PATL2: variants seen among roughly 807,000 people sequenced by gnomAD.
PATL2 encodes the protein protein PAT1 homolog 2.
Under a neutral mutation model 77.0 loss-of-function variants are expected in PATL2, and 73 were observed. That is an observed-to-expected ratio of 0.95 (90% CI 0.78 to 1.15). PATL2 has a LOEUF of 1.15. Ranked by LOEUF, PATL2 falls within the 50% of genes most tolerant of loss-of-function variation. The pLI, the probability that PATL2 is intolerant of heterozygous loss-of-function variation, is 0.00. For missense variants in PATL2, 618 were observed against 655.4 expected (o/e 0.94, Z 0.62); for synonymous variants, 265 against 257.1 (o/e 1.03, Z -0.29).
chr15:44,669,157 G>C lies in PATL2; in HGVS notation c.1065-18C>G, dbSNP rs755261030. 8 of 1,525,380 alleles carry C rather than the reference G, an allele frequency of 5.2e-6. No individual in the cohort carries two copies. The highest frequency in any genetic ancestry group is 7.1e-6 in the Non-Finnish European group (8 of 1,130,272). 94.5% of individuals were successfully genotyped at this position (1,525,380 alleles called of 1,614,324 possible). A position where few individuals can be genotyped will look rare whatever the true frequency, so the allele number is the denominator to read the frequency against. ...CTGCCTCTCTGCAAGGGAGAGAGGA[G>C]AACATTTTCAGAGCTCTGCATAGAG... On this transcript the variant is annotated intron_variant, in intron 13 of 17. Transcript: ENST00000682850.
chr15:44,671,597 A>T (rs1394815845), intron 9 of PATL2, among the ~76,000 whole-genome samples: 1 of 152,190 alleles, frequency 6.6e-6, no homozygotes, highest in Non-Finnish European at 1.5e-5. Flanking sequence ...AAATGAGTAA[A>T]AATATCTGCT....
intron 3 of PATL2, among the ~76,000 whole-genome samples, chr15:44,695,325 C>CA (rs1483428539): frequency 3.9e-5 from 6 of 152,160 alleles, no homozygotes; most frequent in Non-Finnish European, 5.9e-5. Context: ...GAGCAGCCTG[C>CA]AAAATTGAGC....
Position 44,692,927 on chromosome 15 carries a change from C to G in PATL2, c.-75-16362G>C, listed in dbSNP as rs541569392. ...GCCCACATCACTGGGGCTAACTCAG[C>G]TCAGTTTGTGGCAGTGATAGGAGGG... On this transcript the variant is annotated intron_variant, in intron 3 of 17. Transcript: ENST00000682850. 2.6e-5 allele frequency among the ~76,000 whole-genome samples: 4 copies of G among 152,346 alleles called. No homozygotes were observed. The South Asian group carries it at 8.3e-4, about 32-fold the overall frequency.
intron 3 of PATL2, among the ~76,000 whole-genome samples, chr15:44,680,979 A>G (rs962265382): frequency 6.6e-6 from 1 of 152,204 alleles, no homozygotes; most frequent in African/African-American, 2.4e-5. Flanking sequence ...AGCTAACATT[A>G]CTAGTTACTC....
intron 3 of PATL2, among the ~76,000 whole-genome samples, chr15:44,696,723 TA>T (rs199588921): frequency 1.3e-5 from 2 of 150,424 alleles, no homozygotes; most frequent in African/African-American, 2.4e-5. Flanking sequence ...AACTGCCAAT[TA>T]AAAAAAAAAT....
chr15:44,681,911 T>G (rs948974989), intron 3 of PATL2, among the ~76,000 whole-genome samples: 1 of 152,210 alleles, frequency 6.6e-6, no homozygotes, highest in Non-Finnish European at 1.5e-5. Context: ...CCTTCTAGAT[T>G]GAGTTTCAGA....
upstream of PATL2, chr15:44,711,390 C>A: frequency 1.2e-6 from 1 of 804,824 alleles, no homozygotes; most frequent in Non-Finnish European, 2.1e-6. Flanking sequence ...AAACTGAAAA[C>A]GGGAAAGTCC....
rs2085715932 is a variant in PATL2, at chr15:44,672,115, T to C, written c.557A>G (p.Tyr186Cys). The C allele has an allele frequency of 3.9e-6, 6 of 1,551,536 alleles. No homozygotes were observed. Among genetic ancestry groups the C allele is most frequent in the South Asian group, 1.2e-5 (1 of 84,064 alleles). Residue 186 changes from tyrosine (Y) to cysteine (C), a missense_variant, in exon 9 of 18, where the codon TAT becomes TGT. Coordinates refer to ENST00000682850, the MANE Select transcript of PATL2 (RefSeq NM_001387263.1). The part of the protein sequence containing the change: ...KKPWSQQPDP[Y>C]ANLMTRKEKD... ...CTCTTTTCTGGTCATGAGGTTAGCA[T>C]AGGGGTCTGGCTGCTGAGACCAAGG...
chr15:44,676,328 C>CA (rs2141213370), intron 4 of PATL2, 147 bp downstream of exon 4: 1 of 752,720 alleles, frequency 1.3e-6, no homozygotes, highest in African/African-American at 1.7e-5. Context: ...AGTGACCTTT[C>CA]AGTCACCCAT....
At chr15:44,678,710 C>G (rs912113087) in intron 3 of PATL2, among the ~76,000 whole-genome samples, 2 of 152,060 alleles carry the variant, frequency 1.3e-5, no homozygotes, top group Non-Finnish European at 2.9e-5. Context: ...CTTTGGGAAG[C>G]TGAGGCAGGA....
chr15:44,670,231 C>T (rs748449359), intron 9 of PATL2, 144 bp from the exon 10 acceptor site: 22 of 1,169,440 alleles, frequency 1.9e-5, no homozygotes, highest in East Asian at 2.6e-5. Context: ...ACAGCATCTC[C>T]CTCTGTCACC....
At position 44,668,443 on chromosome 15, in the gene PATL2, T is replaced by G. The variant is rs1283198613; in HGVS notation, c.1264A>C (p.Ser422Arg). The part of the protein sequence containing the change: ...MLFKPLGKCI[S>R]HLTLHELLQG... ...AGGAGTTCGTGGAGGGTCAAGTGAC[T>G]AATACATTTGCCCAGAGGTTTGAAT... is the stretch of plus-strand genomic sequence containing the variant. The change falls in exon 15 of 18, where the codon AGT becomes CGT. Residue 422 changes from serine (S) to arginine (R), a missense_variant. By Grantham distance (110) the Ser-to-Arg change is moderately radical. Transcript: ENST00000682850. 2 of 1,551,406 alleles carry G rather than the reference T, an allele frequency of 1.3e-6. No individual in the cohort carries two copies. The highest frequency in any genetic ancestry group is 1.7e-6 in the Non-Finnish European group (2 of 1,146,950).
At chr15:44,666,621 C>A in intron 16 of PATL2, 80 bp from the exon 17 acceptor site, 19 of 1,368,196 alleles carry the variant, frequency 1.4e-5, no homozygotes, top group Non-Finnish European at 1.7e-5. Context: ...TATTATCTTT[C>A]CGTTACTACT....
intron 3 of PATL2, among the ~76,000 whole-genome samples, chr15:44,690,617 C>T (rs1373221326): frequency 1.3e-5 from 2 of 151,878 alleles, no homozygotes; most frequent in Non-Finnish European, 1.5e-5. Context: ...GGATTACAGT[C>T]CTGAGCCACC....
intron 3 of PATL2, among the ~76,000 whole-genome samples, chr15:44,694,228 C>G (rs1193713763): frequency 6.6e-6 from 1 of 152,178 alleles, no homozygotes; most frequent in Non-Finnish European, 1.5e-5. Context: ...CCACCTCCCC[C>G]ACTCACACTT....
intron 8 of PATL2, 73 bp downstream of exon 8, chr15:44,672,315 G>A: frequency 1.3e-6 from 2 of 1,525,252 alleles, no homozygotes; most frequent in South Asian, 1.2e-5. Context: ...ATTTGAGGGA[G>A]ACAACTGGTC....
At chr15:44,672,275 A>C in intron 8 of PATL2, 113 bp downstream of exon 8, 1 of 1,526,702 alleles carries the variant, frequency 6.6e-7, no homozygotes, top group Non-Finnish European at 8.9e-7. Context: ...GGTGGGCAAC[A>C]GTATGAGAGT....
chr15:44,666,896 C>G (rs1425040433), intron 16 of PATL2: 1 of 526,538 alleles, frequency 1.9e-6, no homozygotes, highest in Non-Finnish European at 3.3e-6. Flanking sequence ...AAAGCTTGTC[C>G]CCTTAGGTAC....
intron 3 of PATL2, among the ~76,000 whole-genome samples, chr15:44,681,978 T>C (rs906341554): frequency 6.6e-6 from 1 of 152,114 alleles, no homozygotes; most frequent in Non-Finnish European, 1.5e-5. Context: ...TAGCCTTCTC[T>C]CGTAATCGCT....
Sources: allele counts gnomAD v4.1 joint callset (sites outside exome capture counted in the v4.1 genomes callset), GRCh38; gene constraint gnomAD v4.1.1; transcripts MANE v1.5; gene names NCBI Gene and HGNC (gene_info 2026-07-23, HGNC 2026-07-21).